The following HHLA1 variants were observed in gnomAD, a reference collection of about 807,000 sequenced individuals.
The protein encoded by HHLA1 is HERV-H LTR-associating protein 1.
Under a neutral mutation model 69.9 loss-of-function variants are expected in HHLA1, and 72 were observed. That is an observed-to-expected ratio of 1.03 (90% confidence interval 0.85 to 1.25). The LOEUF (loss-of-function observed/expected upper bound fraction) is 1.25. Among genes scored for constraint, HHLA1 ranks in the 50% most tolerant of loss-of-function variants. The pLI, the probability that HHLA1 is intolerant of heterozygous loss-of-function variation, is 0.00. For synonymous variants in HHLA1, 252 were observed against 233.2 expected (o/e 1.08, Z -0.73); for missense variants, 685 against 642.2 (o/e 1.07, Z -0.72).
rs141445955 is a variant in HHLA1 at position 132,071,284 on chromosome 8, C to T, written c.1469+56G>A. The T allele has an allele frequency of 4.1e-4, 603 of 1,471,958 alleles. 13 individuals are homozygous for T. In the East Asian group the frequency reaches 0.014, roughly 34 times the overall value. The allele number at this position is 1,471,958 out of a possible 1,614,324, so 91.2% of individuals were successfully genotyped here. On this transcript the variant is annotated intron_variant, in intron 15 of 16. Transcript: ENST00000414222. Reference sequence around the variant, plus strand: ...CCTTGTGGCCTGCAGAAAAGCCACACGGAATAAGAAAGCTATAAATATTCC... The same window carrying T: ...CCTTGTGGCCTGCAGAAAAGCCACATGGAATAAGAAAGCTATAAATATTCC...
At chr8:132,110,995 G>T (rs1824286423) in intron 1 of HHLA1, 107 bp downstream of exon 1, 2 of 152,166 alleles carry the variant, frequency 1.3e-5, no homozygotes, top group African/African-American at 4.8e-5. Context: ...CAGTATCCAG[G>T]AGCCCAGAGC....
chr8:132,073,931 G>A (rs566045482), intron 14 of HHLA1, among the ~76,000 whole-genome samples: 3 of 152,140 alleles, frequency 2.0e-5, no homozygotes, highest in South Asian at 2.1e-4. Flanking sequence ...CAGTCACCTC[G>A]CAAGTTTCCC....
chr8:132,071,116 G>A (rs1823532686), intron 15 of HHLA1, among the ~76,000 whole-genome samples: 1 of 152,146 alleles, frequency 6.6e-6, no homozygotes, highest in Non-Finnish European at 1.5e-5. Context: ...GTCAGGCACT[G>A]CACTTGGTTC....
At position 132,070,455 on chromosome 8, in the gene HHLA1, A is replaced by G; in HGVS notation, c.1469+885T>C. On this transcript the variant is annotated intron_variant, in intron 15 of 16. Transcript: ENST00000414222. ...CGCCAGGCTGAGGGCATTTGGATTA[A>G]AGAACCACTCAAGATCCTCTGCCAT... is the stretch of plus-strand genomic sequence containing the variant. The G allele has an allele frequency of 5.8e-6, 4 of 692,058 alleles. No individual in the cohort carries two copies. In the East Asian group the frequency reaches 8.1e-5, roughly 14 times the overall value. The allele number at this position is 692,058 out of a possible 1,614,324, so 42.9% of individuals were successfully genotyped here.
At chr8:132,083,096 A>G (rs1270933613) in intron 10 of HHLA1, among the ~76,000 whole-genome samples, 1 of 151,862 alleles carries the variant, frequency 6.6e-6, no homozygotes, top group African/African-American at 2.4e-5. Context: ...TGGGGGGGAT[A>G]CAAGAGGAGG....
intron 10 of HHLA1, among the ~76,000 whole-genome samples, chr8:132,083,062 G>A (rs1320761586): frequency 6.6e-6 from 1 of 151,724 alleles, no homozygotes; most frequent in Non-Finnish European, 1.5e-5. Context: ...GGGAGTAGAG[G>A]TATCTTATAC....
Position 132,095,516 on chromosome 8 carries a change from C to A in HHLA1, c.448+3G>T. The A allele has an allele frequency of 1.3e-6, 2 of 1,541,412 alleles. No individual in the cohort carries two copies. Among genetic ancestry groups the A allele is most frequent in the Non-Finnish European group, 1.8e-6 (2 of 1,137,620 alleles). On this transcript the variant is annotated splice_donor_region_variant and intron_variant, in intron 7 of 16. Coordinates refer to ENST00000414222, the MANE Select transcript of HHLA1 (RefSeq NM_001145095.3). ...TGCAAGCCTCATGGTAAGCTGTACC[C>A]ACCTGATAAGTCATTGGTCCGATTG...
intron 10 of HHLA1, chr8:132,080,273 C>A (rs967157807): frequency 2.7e-5 from 11 of 414,734 alleles, no homozygotes; most frequent in African/African-American, 1.4e-4. Context: ...ACCAAACAGG[C>A]TTTGTGTGAG....
At chr8:132,095,138 T>C (rs1472876616) in intron 7 of HHLA1, among the ~76,000 whole-genome samples, 1 of 152,258 alleles carries the variant, frequency 6.6e-6, no homozygotes, top group East Asian at 1.9e-4. Context: ...TATTTTTGTG[T>C]AACTTTCTTT....
chr8:132,080,124 A>T, intron 10 of HHLA1, 158 bp from the exon 11 acceptor site: 1 of 1,030,902 alleles, frequency 9.7e-7, no homozygotes, highest in East Asian at 2.6e-5. Context: ...ACAGATTCTG[A>T]CCCCTGTCAG....
Position 132,079,953 on chromosome 8 carries a change from C to A in HHLA1, c.690G>T (p.Arg230Ser). ...GLSGVLGAAT[R>S]GTARTSKPTT... ...TGGGCTTTGAAGTCCTGGCAGTTCCCCTGGTAGCTGCACCTTCAGGGAGGC... is the reference window on the plus strand; with the variant it reads ...TGGGCTTTGAAGTCCTGGCAGTTCCACTGGTAGCTGCACCTTCAGGGAGGC... Residue 230 changes from arginine (R) to serine (S), a missense_variant, in exon 11 of 17, where the codon AGG becomes AGT. Coordinates refer to ENST00000414222, the MANE Select transcript of HHLA1 (RefSeq NM_001145095.3). 1 of 1,552,258 alleles carries A rather than the reference C, an allele frequency of 6.4e-7. No homozygotes were observed. The highest frequency in any genetic ancestry group is 8.7e-7 in the Non-Finnish European group (1 of 1,147,116).
intron 15 of HHLA1, among the ~76,000 whole-genome samples, chr8:132,066,995 A>T (rs1337249936): frequency 6.6e-6 from 1 of 152,194 alleles, no homozygotes; most frequent in African/African-American, 2.4e-5. Flanking sequence ...ACGATGAATC[A>T]GTGATAAAGG....
intron 10 of HHLA1, among the ~76,000 whole-genome samples, chr8:132,082,270 G>C (rs1219406218): frequency 6.6e-6 from 1 of 152,214 alleles, no homozygotes; most frequent in Admixed American, 6.5e-5. Context: ...GTTGAGCATA[G>C]TTTGTGATTT....
rs1403663756 is a variant in HHLA1 at position 132,095,565 on chromosome 8, G to A, written c.402C>T (p.Pro134=). The A allele has an allele frequency of 6.5e-7, 1 of 1,550,152 alleles. No individual in the cohort carries two copies. Among genetic ancestry groups the A allele is most frequent in the African/African-American group, 1.4e-5 (1 of 72,994 alleles). ...NLKTVDPAKF[P]TRYCYCLNNR... is the part of the protein sequence containing the mutation. ...TGTTTAAACAGTAGCAATACCTTGT[G>A]GGGAATTTGGCGGGGTCTACTGTCT... Residue 134 remains proline, a synonymous_variant, in exon 7 of 17, where the codon CCC becomes CCT. Transcript: ENST00000414222.
In HHLA1 at chr8:132,073,416, G is replaced by T. The variant is rs77301675; in HGVS notation, c.1316-1923C>A. 4.8e-3 allele frequency among the ~76,000 whole-genome samples: 730 copies of T among 152,252 alleles called. 4 individuals are homozygous for T. The highest frequency in any genetic ancestry group is 0.028 in the East Asian group (146 of 5,182). On this transcript the variant is annotated intron_variant, in intron 14 of 16. Coordinates refer to ENST00000414222, the MANE Select transcript of HHLA1 (RefSeq NM_001145095.3). Reference sequence around the variant, plus strand: ...AACACTGACCAATTTCCATCAATGTGCCCATGAGTTTTTCTCTATCAGTTA... The same window carrying T: ...AACACTGACCAATTTCCATCAATGTTCCCATGAGTTTTTCTCTATCAGTTA...
chr8:132,079,181 C>T (rs1454254111), intron 11 of HHLA1, among the ~76,000 whole-genome samples: 1 of 152,196 alleles, frequency 6.6e-6, no homozygotes, highest in Non-Finnish European at 1.5e-5. Context: ...GAGGCAGGGG[C>T]CTCCTGCAGG....
chr8:132,083,002 T>C (rs1823784243), intron 10 of HHLA1, among the ~76,000 whole-genome samples: 1 of 150,834 alleles, frequency 6.6e-6, no homozygotes, highest in Admixed American at 6.6e-5. Context: ...GGGGTAAGGG[T>C]GATTAGGTTT....
chr8:132,093,975 C>A (rs1409958320), intron 7 of HHLA1, among the ~76,000 whole-genome samples: 1 of 152,098 alleles, frequency 6.6e-6, no homozygotes, highest in African/African-American at 2.4e-5. Context: ...TTAATATTTT[C>A]ACAATATTTG....
intron 7 of HHLA1, among the ~76,000 whole-genome samples, chr8:132,093,337 T>A (rs1261728437): frequency 6.6e-6 from 1 of 152,186 alleles, no homozygotes; most frequent in Non-Finnish European, 1.5e-5. Flanking sequence ...AGTACATTAT[T>A]TTTAAAATTA....
Sources: allele counts gnomAD v4.1 joint callset (sites outside exome capture counted in the v4.1 genomes callset), GRCh38; gene constraint gnomAD v4.1.1; transcripts MANE v1.5; gene names NCBI Gene and HGNC (gene_info 2026-07-23, HGNC 2026-07-21).